ATRNL1: variants seen among roughly 807,000 people sequenced by gnomAD.
The protein encoded by ATRNL1 is attractin-like protein 1.
In ATRNL1, 95 loss-of-function variants were observed where a neutral mutation model predicts 182.7. The ratio of observed to expected loss-of-function variants is 0.52; its 90% CI spans 0.44 to 0.62. The LOEUF (loss-of-function observed/expected upper bound fraction) is 0.62, where lower values mean the gene tolerates loss of function less well. ATRNL1 is among the 20% of genes least tolerant of loss of function. ATRNL1 has a pLI of 0.00. For missense variants in ATRNL1, 1,471 were observed against 1,679.5 expected (o/e 0.88, Z 2.17); for synonymous variants, 576 against 568.3 (o/e 1.01, Z -0.19).
chr10:115,491,246 T>G (rs1849287520), intron 24 of ATRNL1, among the ~76,000 whole-genome samples: 1 of 152,178 alleles, frequency 6.6e-6, no homozygotes, highest in African/African-American at 2.4e-5. Flanking sequence ...TGAGGCCGTC[T>G]GTTCCTTATC....
intron 24 of ATRNL1, among the ~76,000 whole-genome samples, chr10:115,480,089 T>G (rs1848696429): frequency 1.3e-5 from 2 of 151,232 alleles, no homozygotes; most frequent in African/African-American, 4.8e-5. Flanking sequence ...GTTAATTTCC[T>G]TACTAGCATT....
chr10:115,360,832 G>A (rs1564952746), intron 19 of ATRNL1, among the ~76,000 whole-genome samples: 1 of 151,784 alleles, frequency 6.6e-6, no homozygotes, highest in East Asian at 1.9e-4. Context: ...CATTTTTTAG[G>A]ACTACACTAT....
At chr10:115,146,671 T>G (rs988935869) in intron 5 of ATRNL1, among the ~76,000 whole-genome samples, 1 of 152,126 alleles carries the variant, frequency 6.6e-6, no homozygotes, top group Non-Finnish European at 1.5e-5. Flanking sequence ...TATACCTCCA[T>G]GAGATCAACT....
At chr10:115,483,553 T>C (rs1848871375) in intron 24 of ATRNL1, among the ~76,000 whole-genome samples, 1 of 151,610 alleles carries the variant, frequency 6.6e-6, no homozygotes, top group Non-Finnish European at 1.5e-5. Context: ...CAACAAAATA[T>C]ACCACATGAC....
chr10:115,903,808 TGGA>T (rs1952422745), intron 28 of ATRNL1, among the ~76,000 whole-genome samples: 1 of 133,204 alleles, frequency 7.5e-6, no homozygotes, highest in South Asian at 2.2e-4. Context: ...GAACTTGGGC[TGGA>T]GGAGAAGGAG....
intron 5 of ATRNL1, among the ~76,000 whole-genome samples, chr10:115,152,298 C>T (rs1554880886): frequency 6.6e-6 from 1 of 152,270 alleles, no homozygotes; most frequent in African/African-American, 2.4e-5. Context: ...CTATAAATTA[C>T]CTTTGGCAGT....
intron 27 of ATRNL1, among the ~76,000 whole-genome samples, chr10:115,799,212 T>C (rs1403780726): frequency 6.6e-6 from 1 of 152,220 alleles, no homozygotes; most frequent in Non-Finnish European, 1.5e-5. Context: ...ACTTAATACA[T>C]GCTTGTTGAA....
chr10:115,512,305 A>C (rs1412212170), intron 24 of ATRNL1, among the ~76,000 whole-genome samples: 1 of 151,904 alleles, frequency 6.6e-6, no homozygotes, highest in African/African-American at 2.4e-5. Context: ...CAGTTGGCTA[A>C]ATAATCATTC....
At chr10:115,717,205 T>A (rs1947279110) in intron 26 of ATRNL1, among the ~76,000 whole-genome samples, 1 of 152,224 alleles carries the variant, frequency 6.6e-6, no homozygotes, top group African/African-American at 2.4e-5. Context: ...TTCTGAATGA[T>A]GTCTTAAATA....
chr10:115,374,759 T>A (rs1857583610), intron 19 of ATRNL1, among the ~76,000 whole-genome samples: 1 of 151,912 alleles, frequency 6.6e-6, no homozygotes, highest in Admixed American at 6.6e-5. Flanking sequence ...ATAGTTTAAT[T>A]TCCACATCTT....
intron 28 of ATRNL1, among the ~76,000 whole-genome samples, chr10:115,902,124 A>G (rs971810449): frequency 6.6e-6 from 1 of 152,158 alleles, no homozygotes; most frequent in Admixed American, 6.5e-5. Context: ...CTTCGCATCA[A>G]TGACTTTACA....
chr10:115,337,345 A>G (rs2134083232), intron 19 of ATRNL1, among the ~76,000 whole-genome samples: 1 of 152,020 alleles, frequency 6.6e-6, no homozygotes, highest in South Asian at 2.1e-4. Context: ...ATCTAATTAC[A>G]CTCTTTAAGT....
chr10:115,232,102 G>A (rs1849979620), intron 9 of ATRNL1, among the ~76,000 whole-genome samples: 1 of 152,052 alleles, frequency 6.6e-6, no homozygotes, highest in African/African-American at 2.4e-5. Flanking sequence ...GTCTTCTATT[G>A]TTTCACGACA....
intron 26 of ATRNL1, among the ~76,000 whole-genome samples, chr10:115,581,336 A>G (rs530371166): frequency 6.6e-6 from 1 of 152,224 alleles, no homozygotes; most frequent in South Asian, 2.1e-4. Flanking sequence ...ATGCATCTGG[A>G]AAATTTGGCA....
At chr10:115,395,786 G>A (rs782015312) in intron 20 of ATRNL1, among the ~76,000 whole-genome samples, 1 of 151,324 alleles carries the variant, frequency 6.6e-6, no homozygotes, top group African/African-American at 2.4e-5. Flanking sequence ...AACTTTAAAA[G>A]GCAGCATTTT....
At chr10:115,575,618 C>T (rs1214836376) in intron 26 of ATRNL1, among the ~76,000 whole-genome samples, 1 of 152,054 alleles carries the variant, frequency 6.6e-6, no homozygotes, top group African/African-American at 2.4e-5. Context: ...GCCACAATTG[C>T]ATTTTTGCAA....
At chr10:115,644,965 A>G (rs1405582685) in intron 26 of ATRNL1, among the ~76,000 whole-genome samples, 2 of 152,170 alleles carry the variant, frequency 1.3e-5, no homozygotes, top group African/African-American at 2.4e-5. Flanking sequence ...TTCCTGAACC[A>G]GTCACTTGCA....
intron 5 of ATRNL1, among the ~76,000 whole-genome samples, chr10:115,135,816 C>T (rs1845483512): frequency 6.6e-6 from 1 of 152,080 alleles, no homozygotes; most frequent in Non-Finnish European, 1.5e-5. Context: ...TAACATTTCT[C>T]TTTTGCTTAA....
intron 26 of ATRNL1, among the ~76,000 whole-genome samples, chr10:115,625,873 C>A (rs1455670179): frequency 6.6e-6 from 1 of 152,122 alleles, no homozygotes; most frequent in South Asian, 2.1e-4. Flanking sequence ...CAAATCTAAG[C>A]CCCTCAAGCA....
Sources: gnomAD v4.1 joint callset for allele counts (sites outside exome capture counted in the v4.1 genomes callset) on GRCh38, gnomAD v4.1.1 for gene constraint, MANE v1.5 for transcripts, NCBI Gene and HGNC (gene_info 2026-07-23, HGNC 2026-07-21) for gene names.